MRPS28: variants seen among roughly 807,000 people sequenced by gnomAD.
MRPS28 encodes the protein mitochondrial ribosomal protein S28, also known as small ribosomal subunit protein bS1m.
In MRPS28, 7 loss-of-function variants were observed where a neutral mutation model predicts 10.8. The observed-to-expected ratio is 0.65, with a 90% CI of 0.37 to 1.22. The LOEUF (loss-of-function observed/expected upper bound fraction) is 1.22. MRPS28 is among the 50% of genes most tolerant of loss of function. MRPS28 has a pLI of 0.02. For missense variants in MRPS28, 265 were observed against 232.9 expected, an observed-to-expected ratio of 1.14 and a Z score of -0.90; for synonymous variants, 121 against 93.3, an observed-to-expected ratio of 1.30 and a Z score of -1.71.
At chr8:80,008,821 T>A (rs989445448) in intron 1 of MRPS28, among the ~76,000 whole-genome samples, 1 of 152,206 alleles carries the variant, frequency 6.6e-6, no homozygotes, top group African/African-American at 2.4e-5. Flanking sequence ...TTTTACACTG[T>A]TGGTGGGACT....
intron 2 of MRPS28, among the ~76,000 whole-genome samples, chr8:79,937,127 G>A (rs1053060190): frequency 3.0e-4 from 45 of 152,182 alleles, no homozygotes; most frequent in African/African-American, 1.1e-3. Flanking sequence ...TCCCAAAAAG[G>A]GCTGAGATTA....
chr8:79,929,745 T>C (rs1806408694), intron 2 of MRPS28, among the ~76,000 whole-genome samples: 1 of 152,164 alleles, frequency 6.6e-6, no homozygotes, highest in Non-Finnish European at 1.5e-5. Context: ...TGTGTATTAA[T>C]GGTGGAAATC....
intron 2 of MRPS28, among the ~76,000 whole-genome samples, chr8:79,933,822 AAT>A (rs1806533454): frequency 6.6e-6 from 1 of 152,204 alleles, no homozygotes; most frequent in South Asian, 2.1e-4. Context: ...CCCACCCCAA[AAT>A]ATAAACTGTG....
intron 1 of MRPS28, chr8:80,028,662 G>GGGGGGGGGGGGGGGGGGGC (rs1809558299): frequency 1.0e-4 from 5 of 47,982 alleles, no homozygotes; most frequent in African/African-American, 1.5e-4. Flanking sequence ...GGGGGGCGGG[G>GGGGGGGGGGGGGGGGGGGC]CCGGGCGGGG....
At chr8:79,959,478 T>C (rs952091551) in intron 2 of MRPS28, among the ~76,000 whole-genome samples, 2 of 152,090 alleles carry the variant, frequency 1.3e-5, no homozygotes, top group Admixed American at 6.6e-5. Context: ...ATACACATAG[T>C]TTTTAAAAGT....
intron 2 of MRPS28, among the ~76,000 whole-genome samples, chr8:79,949,282 T>C (rs2129962761): frequency 6.6e-6 from 1 of 152,010 alleles, no homozygotes; most frequent in South Asian, 2.1e-4. Context: ...GGCGCTGTGG[T>C]AGGCGCCTGT....
chr8:80,021,052 G>C (rs1809347244), intron 1 of MRPS28, among the ~76,000 whole-genome samples: 1 of 150,884 alleles, frequency 6.6e-6, no homozygotes, highest in Non-Finnish European at 1.5e-5. Flanking sequence ...CGCTAGGCTG[G>C]AGTGCAGTGG....
intron 2 of MRPS28, among the ~76,000 whole-genome samples, chr8:79,963,883 C>A (rs541792740): frequency 6.6e-6 from 1 of 152,164 alleles, no homozygotes; most frequent in Admixed American, 6.5e-5. Context: ...CAAGTGAGAA[C>A]TGAAAGTCAC....
chr8:80,014,329 C>A (rs1382922079), intron 1 of MRPS28, among the ~76,000 whole-genome samples: 1 of 152,076 alleles, frequency 6.6e-6, no homozygotes, highest in Non-Finnish European at 1.5e-5. Context: ...AAAAATCAAA[C>A]AAATTGTACA....
chr8:79,930,592 A>G (rs1586041377), intron 2 of MRPS28, among the ~76,000 whole-genome samples: 1 of 152,266 alleles, frequency 6.6e-6, no homozygotes, highest in Non-Finnish European at 1.5e-5. Context: ...AGCTGCATTC[A>G]CTTATTTTAA....
intron 2 of MRPS28, among the ~76,000 whole-genome samples, chr8:79,975,452 A>C (rs72683992): frequency 0.028 from 4,255 of 152,340 alleles, 102 homozygotes; most frequent in Non-Finnish European, 0.041. Flanking sequence ...AATGAATTAC[A>C]TAATACAAAA....
chr8:80,013,122 A>G (rs979473307), intron 1 of MRPS28, among the ~76,000 whole-genome samples: 11 of 152,140 alleles, frequency 7.2e-5, no homozygotes, highest in African/African-American at 2.4e-4. Context: ...TGACCAACTC[A>G]GCCAATAAAC....
intron 1 of MRPS28, among the ~76,000 whole-genome samples, chr8:80,004,297 G>A (rs1194983204): frequency 2.6e-5 from 4 of 152,190 alleles, no homozygotes; most frequent in African/African-American, 9.7e-5. Context: ...GCTTCCAGAG[G>A]AACAATCAGG....
intron 2 of MRPS28, among the ~76,000 whole-genome samples, chr8:79,942,710 G>A (rs886796138): frequency 1.3e-5 from 2 of 152,098 alleles, no homozygotes; most frequent in Non-Finnish European, 2.9e-5. Flanking sequence ...TACTATTTGT[G>A]CACTTTTATC....
intron 2 of MRPS28, among the ~76,000 whole-genome samples, chr8:79,952,241 G>A (rs565110846): frequency 8.5e-5 from 13 of 152,258 alleles, no homozygotes; most frequent in Admixed American, 2.6e-4. Context: ...CAGGTAGAGA[G>A]AAACAATTTT....
intron 2 of MRPS28, chr8:79,957,140 A>G (rs1175533176): frequency 6.6e-6 from 1 of 152,144 alleles, no homozygotes; most frequent in Admixed American, 6.6e-5. Flanking sequence ...CTTTGCCTAG[A>G]AGGCCCTCGT....
rs180680255 is a variant in MRPS28, at chr8:80,030,040, T to C, written c.209A>G (p.Gln70Arg). ...SELLQKVEPL[Q>R]KGSPKNVESF... ...TCTCACCCGCCCGGGCTCCACCTTC[T>C]GTAGGGGCTCCACCTTCTGTAGAAG... Residue 70 changes from glutamine to arginine, a missense_variant, in exon 1 of 3, where the codon CAG (glutamine) becomes CGG (arginine). Physicochemically the swap from Gln to Arg is conservative, Grantham distance 43. Transcript: ENST00000276585. The C allele has an allele frequency of 2.4e-5, 38 of 1,613,144 alleles. No homozygotes were observed. In the African/African-American group the frequency reaches 3.2e-4, roughly 14 times the overall value.
At chr8:79,928,409 G>C (rs2129879822) in intron 2 of MRPS28, among the ~76,000 whole-genome samples, 1 of 152,032 alleles carries the variant, frequency 6.6e-6, no homozygotes, top group African/African-American at 2.4e-5. Flanking sequence ...GGTCGTGTTT[G>C]ATATTTGCCC....
chr8:79,918,933 G>T lies in MRPS28; in HGVS notation c.*47C>A. On this transcript the variant is annotated 3_prime_UTR_variant, in exon 3 of 3. Coordinates refer to ENST00000276585, the MANE Select transcript of MRPS28 (RefSeq NM_014018.3). ...CAATTAGTCTAATTGCATTCTTGAT[G>T]AATAACTGACTTCAGCAAAGGAGTC... 25 of 1,357,742 alleles carry T rather than the reference G, an allele frequency of 1.8e-5. No individual in the cohort carries two copies. The highest frequency in any genetic ancestry group is 2.3e-5 in the Non-Finnish European group (24 of 1,029,776). The allele number at this position is 1,357,742 out of a possible 1,614,324, so 84.1% of individuals were successfully genotyped here. A position where few individuals can be genotyped will look rare whatever the true frequency, so the allele number is the denominator to read the frequency against.
Sources: gnomAD v4.1 joint callset for allele counts (sites outside exome capture counted in the v4.1 genomes callset) on GRCh38, gnomAD v4.1.1 for gene constraint, MANE v1.5 for transcripts, NCBI Gene and HGNC (gene_info 2026-07-23, HGNC 2026-07-21) for gene names.